Variants in SCRG1 observed in about 807,000 individuals in gnomAD.
SCRG1 encodes the protein stimulator of chondrogenesis 1.
Under a neutral mutation model 7.7 loss-of-function variants are expected in SCRG1, and 3 were observed. The ratio of observed to expected loss-of-function variants is 0.39; its 90% CI spans 0.18 to 1.01. The LOEUF is 1.01. SCRG1 is among the 50% of genes least tolerant of loss of function. The pLI is 0.36. For missense variants in SCRG1, 110 were observed against 117.2 expected (o/e 0.94, Z 0.28); for synonymous variants, 46 against 41.2 (o/e 1.12, Z -0.44).
the SCRG1 span, among the ~76,000 whole-genome samples, chr4:173,511,312 TG>T: frequency 3.3e-5 from 5 of 151,824 alleles, no homozygotes; most frequent in Non-Finnish European, 7.4e-5. The surrounding 1 kb of genome is among the most constrained non-coding windows in gnomAD (Gnocchi z 5.2). Flanking sequence ...AGTCTTGGAG[TG>T]GAGTGAAGAC....
chr4:173,459,146 T>C, the SCRG1 span, among the ~76,000 whole-genome samples: 2 of 152,196 alleles, frequency 1.3e-5, no homozygotes, highest in East Asian at 1.9e-4. Flanking sequence ...AAGGGAGATA[T>C]AGACTCCAAT....
chr4:173,475,541 A>G, the SCRG1 span, among the ~76,000 whole-genome samples: 3 of 152,258 alleles, frequency 2.0e-5, no homozygotes, highest in African/African-American at 7.2e-5. Flanking sequence ...TAGCAATTAA[A>G]CAGAGAATTA....
At chr4:173,488,336 T>C in the SCRG1 span, among the ~76,000 whole-genome samples, 1 of 151,974 alleles carries the variant, frequency 6.6e-6, no homozygotes, top group African/African-American at 2.4e-5. Flanking sequence ...CATTCTGGGA[T>C]TGGCCAAGCA....
chr4:173,485,789 G>A, the SCRG1 span, among the ~76,000 whole-genome samples: 6 of 152,114 alleles, frequency 3.9e-5, no homozygotes, highest in East Asian at 1.2e-3. Flanking sequence ...GTTCAACATG[G>A]TGAAACCCCG....
the SCRG1 span, among the ~76,000 whole-genome samples, chr4:173,470,943 A>G: frequency 6.6e-6 from 1 of 152,328 alleles, no homozygotes; most frequent in Non-Finnish European, 1.5e-5. Context: ...AAGTCTGCTA[A>G]TTTTTAACCT....
the SCRG1 span, among the ~76,000 whole-genome samples, chr4:173,458,515 T>C: frequency 2.6e-5 from 4 of 152,162 alleles, no homozygotes; most frequent in Admixed American, 1.3e-4. Flanking sequence ...CAGGAAATGC[T>C]CAAAGGAGTT....
the SCRG1 span, among the ~76,000 whole-genome samples, chr4:173,516,695 G>C: frequency 6.6e-6 from 1 of 152,192 alleles, no homozygotes; most frequent in Non-Finnish European, 1.5e-5. Context: ...ATGGACTGCC[G>C]GAGAAAGGCT....
chr4:173,396,561 C>T (rs142337895), intron 1 of SCRG1, among the ~76,000 whole-genome samples: 1 of 152,224 alleles, frequency 6.6e-6, no homozygotes, highest in East Asian at 1.9e-4. Flanking sequence ...GTGAAATGAA[C>T]AAATAAATTG....
chr4:173,435,848 G>A, the SCRG1 span, among the ~76,000 whole-genome samples: 2 of 152,108 alleles, frequency 1.3e-5, no homozygotes, highest in Non-Finnish European at 2.9e-5. Context: ...AGGACTTTCT[G>A]CTCACAGACA....
intron 1 of SCRG1, among the ~76,000 whole-genome samples, chr4:173,397,179 T>C (rs1311398979): frequency 6.6e-6 from 1 of 152,190 alleles, no homozygotes; most frequent in Non-Finnish European, 1.5e-5. Flanking sequence ...AATGGAAAAA[T>C]TTCTGACCCA....
chr4:173,462,261 T>C, the SCRG1 span, among the ~76,000 whole-genome samples: 2 of 151,946 alleles, frequency 1.3e-5, no homozygotes, highest in African/African-American at 2.4e-5. Flanking sequence ...CATTTAATAG[T>C]CAAACTCCCA....
chr4:173,460,325 C>A, the SCRG1 span, among the ~76,000 whole-genome samples: 674 of 152,304 alleles, frequency 4.4e-3, 6 homozygotes, highest in African/African-American at 0.015. Context: ...TACTGAGACA[C>A]CAGCTGGGGC....
the SCRG1 span, among the ~76,000 whole-genome samples, chr4:173,487,967 G>A: frequency 6.6e-6 from 1 of 151,912 alleles, no homozygotes; most frequent in Non-Finnish European, 1.5e-5. Flanking sequence ...TGGGTGTGGT[G>A]GCACGCACCT....
chr4:173,458,636 A>G, the SCRG1 span, among the ~76,000 whole-genome samples: 1 of 152,214 alleles, frequency 6.6e-6, no homozygotes. Flanking sequence ...ATGAAAACTT[A>G]TCACTACTGA....
At chr4:173,417,940 A>G in the SCRG1 span, among the ~76,000 whole-genome samples, 1 of 152,192 alleles carries the variant, frequency 6.6e-6, no homozygotes, top group East Asian at 1.9e-4. Flanking sequence ...GGATTGCCAC[A>G]TGAATAATTT....
chr4:173,500,793 G>T, the SCRG1 span, among the ~76,000 whole-genome samples: 1 of 152,154 alleles, frequency 6.6e-6, no homozygotes, highest in Non-Finnish European at 1.5e-5. Context: ...ATTTATACAG[G>T]CCCTAGTAAA....
the SCRG1 span, among the ~76,000 whole-genome samples, chr4:173,422,758 A>G: frequency 6.6e-6 from 1 of 152,204 alleles, no homozygotes; most frequent in Non-Finnish European, 1.5e-5. Context: ...GAATTGAAAA[A>G]GTTTTATCAT....
At chr4:173,496,345 A>T in the SCRG1 span, among the ~76,000 whole-genome samples, 5 of 152,230 alleles carry the variant, frequency 3.3e-5, no homozygotes, top group East Asian at 9.7e-4. Flanking sequence ...GAGAGGGTGA[A>T]TTTGAAAGAT....
chr4:173,422,979 A>G, the SCRG1 span, among the ~76,000 whole-genome samples: 2 of 152,176 alleles, frequency 1.3e-5, no homozygotes, highest in African/African-American at 4.8e-5. Context: ...GCAGTCTCCA[A>G]GGATTATGTT....
Sources: allele counts gnomAD v4.1 joint callset (sites outside exome capture counted in the v4.1 genomes callset), GRCh38; gene constraint gnomAD v4.1.1; non-coding constraint Gnocchi (gnomAD v3.1); transcripts MANE v1.5; gene names NCBI Gene and HGNC (gene_info 2026-07-23, HGNC 2026-07-21).